UTS2B: variants seen among roughly 807,000 people sequenced by gnomAD.
UTS2B encodes the protein urotensin 2B.
A neutral mutation model predicts 19.2 loss-of-function variants in UTS2B; 21 were observed. The observed-to-expected ratio is 1.09, with a 90% CI of 0.78 to 1.58. The LOEUF (loss-of-function observed/expected upper bound fraction) is 1.58, where lower values mean the gene tolerates loss of function less well. UTS2B is among the 40% of genes most tolerant of loss of function. UTS2B has a pLI of 0.00. For synonymous variants in UTS2B, 57 were observed against 50.2 expected, an observed-to-expected ratio of 1.14 and a Z score of -0.58; for missense variants, 138 against 130.3, an observed-to-expected ratio of 1.06 and a Z score of -0.29.
At chr3:191,292,154 G>A (rs1227019336) in intron 4 of UTS2B, among the ~76,000 whole-genome samples, 1 of 149,940 alleles carries the variant, frequency 6.7e-6, no homozygotes, top group African/African-American at 2.4e-5. Flanking sequence ...GGGAAGCTAA[G>A]ATTTTGGTAG....
chr3:191,345,698 G>C, the UTS2B span, among the ~76,000 whole-genome samples: 1 of 152,140 alleles, frequency 6.6e-6, no homozygotes, highest in Non-Finnish European at 1.5e-5. Context: ...AAGTGGTTTA[G>C]GTTACCGGGG....
the UTS2B span, among the ~76,000 whole-genome samples, chr3:191,338,209 A>T: frequency 0.093 from 14,121 of 152,278 alleles, 717 homozygotes; most frequent in East Asian, 0.25. Flanking sequence ...GGAGGAGTCC[A>T]TGATTGACTT....
intron 8 of UTS2B, among the ~76,000 whole-genome samples, chr3:191,270,716 T>C (rs1298121431): frequency 2.6e-5 from 4 of 152,190 alleles, no homozygotes; most frequent in African/African-American, 9.7e-5. Context: ...ATTAATGACC[T>C]TTCCTCTGCT....
At chr3:191,318,317 T>C (rs1279940240) in intron 2 of UTS2B, among the ~76,000 whole-genome samples, 1 of 152,156 alleles carries the variant, frequency 6.6e-6, no homozygotes, top group Admixed American at 6.5e-5. Flanking sequence ...CAAAACAAAA[T>C]CTTGAGGAAA....
intron 3 of UTS2B, among the ~76,000 whole-genome samples, chr3:191,311,826 CCA>C: frequency 6.6e-6 from 1 of 152,190 alleles, no homozygotes; most frequent in Non-Finnish European, 1.5e-5. Flanking sequence ...CTGAGAAATT[CCA>C]GTTATGTGGC....
At chr3:191,304,469 C>G (rs1452017442) in intron 4 of UTS2B, 23 bp downstream of exon 4, 1 of 152,162 alleles carries the variant, frequency 6.6e-6, no homozygotes, top group Non-Finnish European at 1.5e-5. Context: ...TTTTCCTTTC[C>G]CAGGTACATT....
intron 8 of UTS2B, among the ~76,000 whole-genome samples, chr3:191,268,660 C>G (rs536344051): frequency 6.6e-6 from 1 of 152,312 alleles, no homozygotes; most frequent in African/African-American, 2.4e-5. Context: ...TGCTCAATAG[C>G]ACTTGTAGCC....
intron 4 of UTS2B, among the ~76,000 whole-genome samples, chr3:191,288,677 AC>A (rs1716623882): frequency 6.6e-6 from 1 of 151,798 alleles, no homozygotes; most frequent in Non-Finnish European, 1.5e-5. Context: ...TAAAAAAAAA[AC>A]TACTTTTTTC....
the UTS2B span, among the ~76,000 whole-genome samples, chr3:191,344,571 T>TTTTG: frequency 0.012 from 1,789 of 152,210 alleles, 33 homozygotes; most frequent in African/African-American, 0.039. Context: ...TGTCATTTCC[T>TTTTG]TTTGTTTGTT....
intron 6 of UTS2B, 22 bp from the exon 7 acceptor site, chr3:191,276,866 T>C (rs1354889348): frequency 3.7e-6 from 6 of 1,606,574 alleles, no homozygotes; most frequent in South Asian, 1.1e-5. Flanking sequence ...ATTTGTCACA[T>C]GAAAAAACGT....
intron 2 of UTS2B, among the ~76,000 whole-genome samples, chr3:191,321,531 G>T (rs16866482): frequency 6.6e-6 from 1 of 151,984 alleles, no homozygotes; most frequent in East Asian, 1.9e-4. Flanking sequence ...TTTACTTTTC[G>T]CAATGATTCC....
intron 3 of UTS2B, among the ~76,000 whole-genome samples, chr3:191,313,681 T>C (rs532557375): frequency 6.6e-6 from 1 of 151,636 alleles, no homozygotes; most frequent in East Asian, 1.9e-4. Flanking sequence ...AAGACCCCTA[T>C]ATATGAAAAA....
chr3:191,303,570 T>C (rs1018344128), intron 4 of UTS2B, among the ~76,000 whole-genome samples: 6 of 152,116 alleles, frequency 3.9e-5, no homozygotes, highest in Non-Finnish European at 8.8e-5. Flanking sequence ...CACAAATGCC[T>C]ATTTATCTCT....
At chr3:191,345,638 C>T in the UTS2B span, among the ~76,000 whole-genome samples, 2 of 152,148 alleles carry the variant, frequency 1.3e-5, no homozygotes, top group Non-Finnish European at 2.9e-5. Flanking sequence ...ACCCGCTTGC[C>T]TGCAATCTGG....
chr3:191,290,471 C>CT (rs1275931656), intron 4 of UTS2B, among the ~76,000 whole-genome samples: 1 of 152,120 alleles, frequency 6.6e-6, no homozygotes, highest in Non-Finnish European at 1.5e-5. Flanking sequence ...AATTTTTCAT[C>CT]TTTTACAGTA....
intron 3 of UTS2B, among the ~76,000 whole-genome samples, chr3:191,310,765 T>C (rs1362053871): frequency 6.6e-6 from 1 of 152,244 alleles, no homozygotes; most frequent in Non-Finnish European, 1.5e-5. Flanking sequence ...TATAGTAGCT[T>C]ACTGCTATCT....
At chr3:191,271,200 CAAAAAAAAA>C (rs66756396) in intron 8 of UTS2B, among the ~76,000 whole-genome samples, 4 of 52,740 alleles carry the variant, frequency 7.6e-5, no homozygotes, top group East Asian at 9.2e-4. Context: ...GAGACTCTCT[CAAAAAAAAA>C]AAAAAAAAAA....
At chr3:191,287,077 T>C (rs1043840536) in intron 4 of UTS2B, among the ~76,000 whole-genome samples, 3 of 152,072 alleles carry the variant, frequency 2.0e-5, no homozygotes, top group African/African-American at 7.2e-5. Context: ...AAAATCTGCA[T>C]AGACCAGTAG....
At chr3:191,273,316 A>C (rs1406342688) in intron 8 of UTS2B, 3 of 355,518 alleles carry the variant, frequency 8.4e-6, no homozygotes, top group African/African-American at 2.1e-5. Context: ...TTTTAAGAAG[A>C]GATAAAGGAT....
Sources: allele counts gnomAD v4.1 joint callset (sites outside exome capture counted in the v4.1 genomes callset), GRCh38; gene constraint gnomAD v4.1.1; transcripts MANE v1.5; gene names NCBI Gene and HGNC (gene_info 2026-07-23, HGNC 2026-07-21).